Variants in SH3PXD2B observed in about 807,000 individuals in gnomAD.
SH3PXD2B encodes SH3 and PX domains 2B.
SH3PXD2B carries 37 observed loss-of-function variants against 73.1 expected under a neutral mutation model. The observed-to-expected ratio is 0.51, with a 90% CI of 0.39 to 0.67. SH3PXD2B has a LOEUF of 0.67. Among genes scored for constraint, SH3PXD2B ranks in the 30% least tolerant of loss-of-function variants. The pLI is 0.00. For synonymous variants in SH3PXD2B, 457 were observed against 480.5 expected, an observed-to-expected ratio of 0.95 and a Z score of 0.64; for missense variants, 1,053 against 1,197.8, an observed-to-expected ratio of 0.88 and a Z score of 1.78.
At position 172,337,829 on chromosome 5, in the gene SH3PXD2B, C is replaced by T; in HGVS notation, c.*540G>A. 1.0e-5 allele frequency: 10 copies of T among 1,000,952 alleles called. No individual in the cohort carries two copies. The highest frequency in any genetic ancestry group is 1.2e-5 in the Non-Finnish European group (10 of 838,736). The allele number at this position is 1,000,952 out of a possible 1,614,324, so 62.0% of individuals were successfully genotyped here. The stretch of plus-strand genomic sequence containing the variant: ...GAGGCTTTGGGGAAGGGGACACTTT[C>T]CCTGGAACTGGTAATGGAATGCATT... On this transcript the variant is annotated 3_prime_UTR_variant, in exon 13 of 13. Coordinates refer to ENST00000311601, the MANE Select transcript of SH3PXD2B (RefSeq NM_001017995.3).
rs892797449 is a variant in SH3PXD2B at position 172,360,979 on chromosome 5, G to A, written c.562+1756C>T. 3.3e-5 allele frequency among the ~76,000 whole-genome samples: 5 copies of A among 152,098 alleles called. No individual in the cohort carries two copies. In the East Asian group the frequency reaches 5.8e-4, roughly 18 times the overall value. The stretch of plus-strand genomic sequence containing the variant: ...ATGAATATATGAACATGGCTCACTC[G>A]GGCACTGAATACTACGCAGATGTGA... On this transcript the variant is annotated intron_variant, in intron 7 of 12. Transcript: ENST00000311601.
At position 172,335,662 on chromosome 5, in the gene SH3PXD2B, G is replaced by C. The variant is rs1756671473; in HGVS notation, c.*2707C>G. 8.1e-7 allele frequency: 1 copy of C among 1,231,792 alleles called. No individual in the cohort carries two copies. The highest frequency in any genetic ancestry group is 3.2e-5 in the East Asian group (1 of 31,704). 76.3% of individuals were successfully genotyped at this position (1,231,792 alleles called of 1,614,324 possible). ...GACACTTTCTAGAGCCATGACTCCA[G>C]GGGAGTTCTGCATATGCGCCATCAA... On this transcript the variant is annotated 3_prime_UTR_variant, in exon 13 of 13. Coordinates refer to ENST00000311601, the MANE Select transcript of SH3PXD2B (RefSeq NM_001017995.3).
Position 172,334,125 on chromosome 5 carries a change from C to CTTACTTTG in SH3PXD2B, c.*4243_*4244insCAAAGTAA. The CTTACTTTG allele has an allele frequency of 9.1e-7, 1 of 1,103,258 alleles. No individual in the cohort carries two copies. Among genetic ancestry groups the CTTACTTTG allele is most frequent in the Non-Finnish European group, 1.1e-6 (1 of 902,664 alleles). 68.3% of individuals were successfully genotyped at this position (1,103,258 alleles called of 1,614,324 possible). A position where few individuals can be genotyped will look rare whatever the true frequency, so the allele number is the denominator to read the frequency against. Reference sequence around the variant, plus strand: ...GAGCTAAGAAGGCTTACTTTGGAGTCGAGGATAGAAACGGGAAGATGGAAT... The same window carrying CTTACTTTG: ...GAGCTAAGAAGGCTTACTTTGGAGTCTTACTTTGGAGGATAGAAACGGGAAGATGGAAT... On this transcript the variant is annotated 3_prime_UTR_variant, in exon 13 of 13. Coordinates refer to ENST00000311601, the MANE Select transcript of SH3PXD2B (RefSeq NM_001017995.3).
chr5:172,353,898 AC>A lies in SH3PXD2B; in HGVS notation c.774del (p.Trp258CysfsTer18). ...GGCAGCGGCTGGTACCTGATCTTCC[AC>A]CAGCCTTCCAGGTTTTTCTGGATGA... ...VEVIQKNLEGWWKIRYQGKEG... is the reference protein window; with the variant it reads ...VEVIQKNLEGXWKIRYQGKEG... On this transcript the variant is annotated frameshift_variant, in exon 9 of 13. Coordinates refer to ENST00000311601, the MANE Select transcript of SH3PXD2B (RefSeq NM_001017995.3). LOFTEE classifies it high-confidence loss of function. This position sits in a 1 kb window ranked among gnomAD's most constrained non-coding sequence, Gnocchi z 4.3. 6.2e-7 allele frequency: 1 copy of A among 1,613,670 alleles called. No individual in the cohort carries two copies. Among genetic ancestry groups the A allele is most frequent in the Non-Finnish European group, 8.5e-7 (1 of 1,179,938 alleles).
At chr5:172,425,668 C>T (rs2113471084) in intron 1 of SH3PXD2B, among the ~76,000 whole-genome samples, 1 of 151,186 alleles carries the variant, frequency 6.6e-6, no homozygotes, top group East Asian at 2.0e-4. Flanking sequence ...TTGCAGGCCA[C>T]AGAGAAGCGT....
At chr5:172,446,874 C>T (rs1028308654) in intron 1 of SH3PXD2B, among the ~76,000 whole-genome samples, 1 of 152,216 alleles carries the variant, frequency 6.6e-6, no homozygotes, top group Non-Finnish European at 1.5e-5. Flanking sequence ...AAAGCATCTG[C>T]CCAGACCTTC....
intron 2 of SH3PXD2B, among the ~76,000 whole-genome samples, chr5:172,416,696 C>CTTTT (rs202242720): frequency 2.6e-4 from 16 of 62,260 alleles, no homozygotes; most frequent in Admixed American, 4.2e-4. Flanking sequence ...CTCTCTCTCT[C>CTTTT]TTTTTTTTTT....
intron 12 of SH3PXD2B, among the ~76,000 whole-genome samples, chr5:172,326,497 C>T (rs924670563): frequency 6.6e-6 from 1 of 152,140 alleles, no homozygotes; most frequent in Non-Finnish European, 1.5e-5. Context: ...GATATTCAGA[C>T]AAGTGTTTGT....
At position 172,350,448 on chromosome 5, in the gene SH3PXD2B, C is replaced by A. The variant is rs141930827; in HGVS notation, c.927G>T (p.Ala309=). ...DLDGVSRQQN[A]VGREKELLSS... Reference sequence around the variant, plus strand: ...TGAGCAGCTCCTTCTCCCTGCCCACCGCGTTCTGCTGCCGGGAAACACCAT... The same window carrying A: ...TGAGCAGCTCCTTCTCCCTGCCCACAGCGTTCTGCTGCCGGGAAACACCAT... Residue 309 remains alanine, a synonymous_variant, in exon 10 of 13, where the codon GCG becomes GCT. Coordinates refer to ENST00000311601, the MANE Select transcript of SH3PXD2B (RefSeq NM_001017995.3). 10 of 1,614,002 alleles carry A rather than the reference C, an allele frequency of 6.2e-6. No individual in the cohort carries two copies. The highest frequency in any genetic ancestry group is 7.6e-6 in the Non-Finnish European group (9 of 1,180,032).
chr5:172,438,103 C>A (rs1231557166), intron 1 of SH3PXD2B, among the ~76,000 whole-genome samples: 1 of 152,216 alleles, frequency 6.6e-6, no homozygotes, highest in Non-Finnish European at 1.5e-5. Context: ...TCTGCTCCAG[C>A]CTGGCTGGCT....
chr5:172,362,048 G>A (rs1345593579), intron 7 of SH3PXD2B, among the ~76,000 whole-genome samples: 2 of 152,208 alleles, frequency 1.3e-5, no homozygotes, highest in African/African-American at 4.8e-5. Context: ...TGTAGCTAAG[G>A]AAGGCAAACG....
intron 4 of SH3PXD2B, among the ~76,000 whole-genome samples, chr5:172,390,918 C>T (rs965404518): frequency 3.3e-5 from 5 of 151,496 alleles, no homozygotes; most frequent in Admixed American, 6.6e-5. Context: ...CTCGGCTCAC[C>T]GCAATCTCCA....
At chr5:172,393,014 G>T (rs1758223848) in intron 4 of SH3PXD2B, among the ~76,000 whole-genome samples, 1 of 152,120 alleles carries the variant, frequency 6.6e-6, no homozygotes, top group African/African-American at 2.4e-5. Flanking sequence ...ATCTAACGTT[G>T]TTCTTTTTCA....
intron 1 of SH3PXD2B, among the ~76,000 whole-genome samples, chr5:172,428,565 G>A (rs998000494): frequency 1.3e-5 from 2 of 152,160 alleles, no homozygotes; most frequent in African/African-American, 2.4e-5. Flanking sequence ...ACACTCACAC[G>A]GTATCAAAGT....
intron 5 of SH3PXD2B, among the ~76,000 whole-genome samples, chr5:172,379,357 TTC>T (rs140904910): frequency 2.0e-4 from 29 of 148,048 alleles, no homozygotes; most frequent in Non-Finnish European, 2.5e-4. Flanking sequence ...AGAGCTGGCT[TTC>T]TCTCTCTCTC....
intron 1 of SH3PXD2B, among the ~76,000 whole-genome samples, chr5:172,450,054 G>T (rs1008906611): frequency 1.6e-4 from 25 of 152,352 alleles, no homozygotes; most frequent in Non-Finnish European, 3.2e-4. Flanking sequence ...GCTGTGGTGG[G>T]AAGGGGATTG....
At chr5:172,328,496 T>G (rs1304293010) in intron 12 of SH3PXD2B, among the ~76,000 whole-genome samples, 3 of 152,120 alleles carry the variant, frequency 2.0e-5, no homozygotes, top group Non-Finnish European at 4.4e-5. Flanking sequence ...ACCACTTCCA[T>G]CCTCAGTAGA....
chr5:172,439,688 G>GCACA (rs1166130299), intron 1 of SH3PXD2B, among the ~76,000 whole-genome samples: 5,776 of 103,606 alleles, frequency 0.056, 157 homozygotes, highest in Middle Eastern at 0.1. Context: ...GCGCGCACGC[G>GCACA]CGCGCACACA....
In SH3PXD2B at chr5:172,334,364, G is replaced by C. The variant is rs1401205007; in HGVS notation, c.*4005C>G. The C allele has an allele frequency of 4.0e-6, 4 of 993,794 alleles. No individual in the cohort carries two copies. Among genetic ancestry groups the C allele is most frequent in the Admixed American group, 6.0e-5 (1 of 16,668 alleles). The allele number at this position is 993,794 out of a possible 1,614,324, so 61.6% of individuals were successfully genotyped here. The stretch of plus-strand genomic sequence containing the variant: ...GTTAGGAGCAATTCCTCCAGGCCAA[G>C]AGAGGGCGCCCTGCACCCTCAGGCC... On this transcript the variant is annotated 3_prime_UTR_variant, in exon 13 of 13. Coordinates refer to ENST00000311601, the MANE Select transcript of SH3PXD2B (RefSeq NM_001017995.3).
Sources: gnomAD v4.1 joint callset for allele counts (sites outside exome capture counted in the v4.1 genomes callset) on GRCh38, gnomAD v4.1.1 for gene constraint, Gnocchi (gnomAD v3.1) non-coding constraint, MANE v1.5 for transcripts, NCBI Gene and HGNC (gene_info 2026-07-23, HGNC 2026-07-21) for gene names.